The following KCNIP4 variants were observed in gnomAD, a reference collection of about 807,000 sequenced individuals.
The protein encoded by KCNIP4 is potassium voltage-gated channel interacting protein 4.
Under a neutral mutation model 34.0 loss-of-function variants are expected in KCNIP4, and 12 were observed. The ratio of observed to expected loss-of-function variants is 0.35; its 90% CI spans 0.23 to 0.57. The LOEUF (loss-of-function observed/expected upper bound fraction) is 0.57. KCNIP4 is among the 20% of genes least tolerant of loss of function. The pLI, the probability that KCNIP4 is intolerant of heterozygous loss-of-function variation, is 0.83. For synonymous variants in KCNIP4, 124 were observed against 102.2 expected, an observed-to-expected ratio of 1.21 and a Z score of -1.29; for missense variants, 238 against 311.7, an observed-to-expected ratio of 0.76 and a Z score of 1.78.
At chr4:20,941,612 A>G (rs1323281902) in intron 1 of KCNIP4, among the ~76,000 whole-genome samples, 1 of 152,238 alleles carries the variant, frequency 6.6e-6, no homozygotes, top group African/African-American at 2.4e-5. Context: ...ACGGCAAACA[A>G]CAAAATGCTA....
chr4:21,916,376 G>A (rs1028554543), intron 1 of KCNIP4, among the ~76,000 whole-genome samples: 2 of 152,030 alleles, frequency 1.3e-5, no homozygotes, highest in Admixed American at 6.6e-5. Context: ...AATTGTCTGA[G>A]GAAAAGGAAA....
intron 1 of KCNIP4, among the ~76,000 whole-genome samples, chr4:21,247,703 A>T (rs1390728614): frequency 1.5e-5 from 2 of 135,356 alleles, no homozygotes; most frequent in Non-Finnish European, 3.1e-5. Context: ...CTATATAAAT[A>T]TAAAAAGCAA....
intron 1 of KCNIP4, among the ~76,000 whole-genome samples, chr4:21,016,993 C>T (rs1739601466): frequency 6.6e-6 from 1 of 151,916 alleles, no homozygotes; most frequent in South Asian, 2.1e-4. Context: ...TTCCTTTTGC[C>T]AATTGATTCT....
chr4:20,965,103 C>A (rs1410131474), intron 1 of KCNIP4, among the ~76,000 whole-genome samples: 1 of 152,150 alleles, frequency 6.6e-6, no homozygotes, highest in African/African-American at 2.4e-5. Flanking sequence ...TGCCTCTATT[C>A]TTTCCCACCA....
chr4:21,025,559 T>TTTTTG (rs1553928620), intron 1 of KCNIP4, among the ~76,000 whole-genome samples: 3 of 122,796 alleles, frequency 2.4e-5, no homozygotes, highest in Non-Finnish European at 5.0e-5. Context: ...TTTTTTTTTT[T>TTTTTG]TTTTTTTTTT....
Position 21,234,492 on chromosome 4 carries a change from T to C in KCNIP4, c.62-351783A>G, listed in dbSNP as rs1489766439. On this transcript the variant is annotated intron_variant, in intron 1 of 8. Coordinates refer to ENST00000382152, the MANE Select transcript of KCNIP4 (RefSeq NM_025221.6). The stretch of plus-strand genomic sequence containing the variant: ...TAATATATAGTACATATAACGTATA[T>C]AATATATATTACATATAACGTATAT... 2.2e-3 allele frequency among the ~76,000 whole-genome samples: 204 copies of C among 94,432 alleles called. 32 individuals carry two copies. Among genetic ancestry groups the C allele is most frequent in the Middle Eastern group, 9.0e-3 (2 of 222 alleles). The allele number at this position is 94,432 out of a possible 152,430, so 62.0% of individuals were successfully genotyped here.
At chr4:20,778,732 T>C (rs373724179) in intron 3 of KCNIP4, among the ~76,000 whole-genome samples, 19 of 152,226 alleles carry the variant, frequency 1.2e-4, no homozygotes, top group African/African-American at 4.3e-4. Flanking sequence ...TTAAATGACA[T>C]GGTAGAGGCA....
Position 21,159,428 on chromosome 4 carries a change from G to A in KCNIP4, c.62-276719C>T, listed in dbSNP as rs1475943949. Among the ~76,000 whole-genome samples, 12 of 19,164 alleles carry A rather than the reference G, an allele frequency of 6.3e-4. 6 individuals carry two copies. The highest frequency in any genetic ancestry group is 2.8e-3 in the African/African-American group (6 of 2,138). 12.6% of individuals were successfully genotyped at this position (19,164 alleles called of 152,430 possible). ...AAGATGGCCGAATAGGAACAGCTCC[G>A]GTCTACAGCTCCCAGCGTGAGCGAC... On this transcript the variant is annotated intron_variant, in intron 1 of 8. Coordinates refer to ENST00000382152, the MANE Select transcript of KCNIP4 (RefSeq NM_025221.6).
intron 1 of KCNIP4, 142 bp from the exon 2 acceptor site, chr4:20,882,851 C>T (rs962300739): frequency 2.2e-6 from 1 of 456,676 alleles, no homozygotes; most frequent in African/African-American, 2.6e-5. Context: ...GGTTGGGACC[C>T]CCGAAAGGAA....
At chr4:21,067,734 C>T (rs1235647986) in intron 1 of KCNIP4, among the ~76,000 whole-genome samples, 1 of 152,086 alleles carries the variant, frequency 6.6e-6, no homozygotes, top group African/African-American at 2.4e-5. Context: ...GCTTGCATTA[C>T]CCCTCTCCCA....
At chr4:21,898,230 G>C (rs2109415927) in intron 1 of KCNIP4, among the ~76,000 whole-genome samples, 1 of 152,222 alleles carries the variant, frequency 6.6e-6, no homozygotes, top group East Asian at 1.9e-4. Flanking sequence ...GCAATTCCTG[G>C]GCAAGTCCTG....
At chr4:21,502,439 T>C (rs1225490000) in intron 1 of KCNIP4, among the ~76,000 whole-genome samples, 1 of 152,176 alleles carries the variant, frequency 6.6e-6, no homozygotes, top group African/African-American at 2.4e-5. Flanking sequence ...TGTCAAACAA[T>C]CTTTGCCATT....
At chr4:21,594,321 C>A (rs77789342) in intron 1 of KCNIP4, among the ~76,000 whole-genome samples, 3 of 152,150 alleles carry the variant, frequency 2.0e-5, no homozygotes, top group Non-Finnish European at 4.4e-5. Flanking sequence ...AGTACAAAAT[C>A]TTTTAATGAA....
At chr4:20,761,765 T>C (rs1394420076) in intron 3 of KCNIP4, among the ~76,000 whole-genome samples, 1 of 152,224 alleles carries the variant, frequency 6.6e-6, no homozygotes, top group African/African-American at 2.4e-5. Context: ...TATGCATGTG[T>C]TTTATGTTTA....
At chr4:20,791,432 C>T (rs1712745259) in intron 3 of KCNIP4, among the ~76,000 whole-genome samples, 1 of 151,886 alleles carries the variant, frequency 6.6e-6, no homozygotes, top group Non-Finnish European at 1.5e-5. Context: ...TAAGAGATAA[C>T]CAATTATTTA....
At chr4:21,736,812 C>A (rs180954632) in intron 1 of KCNIP4, among the ~76,000 whole-genome samples, 1 of 152,216 alleles carries the variant, frequency 6.6e-6, no homozygotes, top group East Asian at 1.9e-4. Context: ...GGATTTGACA[C>A]ACAGTGTTCA....
In KCNIP4 at chr4:21,639,592, G is replaced by C. The variant is rs1746467879; in HGVS notation, c.61+308979C>G. ...AGAATATTGATAAATTGCACATAAT[G>C]TTTCTTCTTGTTTCAAAAAGCAATA... On this transcript the variant is annotated intron_variant, in intron 1 of 8. Coordinates refer to ENST00000382152, the MANE Select transcript of KCNIP4 (RefSeq NM_025221.6). Among the ~76,000 whole-genome samples the C allele has an allele frequency of 3.3e-5, 5 of 152,048 alleles. No individual in the cohort carries two copies. The South Asian group carries it at 1.0e-3, about 32-fold the overall frequency.
chr4:21,707,644 A>G (rs1244292897), intron 1 of KCNIP4, among the ~76,000 whole-genome samples: 1 of 152,040 alleles, frequency 6.6e-6, no homozygotes, highest in Non-Finnish European at 1.5e-5. Context: ...TAGCTGAGGG[A>G]GAGCCCTGAG....
intron 1 of KCNIP4, among the ~76,000 whole-genome samples, chr4:21,293,388 G>A (rs932017480): frequency 1.3e-5 from 2 of 152,066 alleles, no homozygotes; most frequent in Admixed American, 6.6e-5. Context: ...ACTCAGCCAC[G>A]CTGTCAATCA....
Sources: allele counts gnomAD v4.1 joint callset (sites outside exome capture counted in the v4.1 genomes callset), GRCh38; gene constraint gnomAD v4.1.1; transcripts MANE v1.5; gene names NCBI Gene and HGNC (gene_info 2026-07-23, HGNC 2026-07-21).